CRYBB1: variants seen among roughly 807,000 people sequenced by gnomAD.
The protein encoded by CRYBB1 is beta-crystallin B1.
Under a neutral mutation model 29.5 loss-of-function variants are expected in CRYBB1, and 16 were observed. The ratio of observed to expected loss-of-function variants is 0.54; its 90% confidence interval spans 0.37 to 0.82. The LOEUF is 0.82. CRYBB1 is among the 40% of genes least tolerant of loss of function. CRYBB1 has a pLI of 0.00. For synonymous variants in CRYBB1, 127 were observed against 136.7 expected, an observed-to-expected ratio of 0.93 and a Z score of 0.49; for missense variants, 300 against 350.5, an observed-to-expected ratio of 0.86 and a Z score of 1.15.
chr22:26,612,020 G>A, intron 3 of CRYBB1, 52 bp downstream of exon 3: 1 of 1,323,900 alleles, frequency 7.6e-7, no homozygotes, highest in Non-Finnish European at 1.1e-6. Flanking sequence ...CTACTGTTGT[G>A]TGGTCATTTT....
intron 5 of CRYBB1, among the ~76,000 whole-genome samples, 184 bp downstream of exon 5, chr22:26,601,695 G>T (rs183023102): frequency 2.7e-5 from 4 of 150,670 alleles, no homozygotes; most frequent in Admixed American, 2.0e-4. Flanking sequence ...ATTCCTCAAA[G>T]TGTGACTCTA....
rs753245538 is a variant in CRYBB1, at chr22:26,607,998, T to G, written c.323A>C (p.Asn108Thr). 3.1e-5 allele frequency: 50 copies of G among 1,613,972 alleles called. No individual in the cohort carries two copies. Among genetic ancestry groups the G allele is most frequent in the Non-Finnish European group, 3.8e-5 (45 of 1,180,026 alleles). Reference sequence around the variant, plus strand: ...CAGGATGAACATCTCCCCGCGGAAGTTGGACTGCTCAAAGGCGACCCAGCT... The same window carrying G: ...CAGGATGAACATCTCCCCGCGGAAGGTGGACTGCTCAAAGGCGACCCAGCT... ...AGPWVAFEQS[N>T]FRGEMFILEK... Residue 108 changes from asparagine to threonine, a missense_variant, in exon 4 of 6, where the codon AAC (asparagine) becomes ACC (threonine). By Grantham distance (65) the Asn-to-Thr change is moderately conservative. Coordinates refer to ENST00000647684, the MANE Select transcript of CRYBB1 (RefSeq NM_001887.4).
intron 4 of CRYBB1, among the ~76,000 whole-genome samples, chr22:26,606,799 C>T (rs932452333): frequency 1.3e-5 from 2 of 152,276 alleles, no homozygotes; most frequent in African/African-American, 2.4e-5. Context: ...AGACAAAAGT[C>T]GGTTACCATC....
At chr22:26,615,609 G>T (rs1357860912) in intron 2 of CRYBB1, among the ~76,000 whole-genome samples, 3 of 152,066 alleles carry the variant, frequency 2.0e-5, no homozygotes, top group Non-Finnish European at 4.4e-5. Flanking sequence ...CGCCTCCTGG[G>T]TTCAAGTGAT....
intron 3 of CRYBB1, among the ~76,000 whole-genome samples, chr22:26,609,603 G>A (rs1474769937): frequency 2.6e-5 from 4 of 152,266 alleles, no homozygotes; most frequent in East Asian, 1.9e-4. Context: ...TGGTGGGTAC[G>A]TGTGTATAAA....
At chr22:26,610,950 G>A (rs1285555823) in intron 3 of CRYBB1, among the ~76,000 whole-genome samples, 2 of 152,160 alleles carry the variant, frequency 1.3e-5, no homozygotes, top group African/African-American at 4.8e-5. Flanking sequence ...TTCAAAGTGG[G>A]GGAGACAAGA....
Position 26,611,468 on chromosome 22 carries a change from TG to T in CRYBB1, c.299+603del, listed in dbSNP as rs1288801118. On this transcript the variant is annotated intron_variant, in intron 3 of 5. Coordinates refer to ENST00000647684, the MANE Select transcript of CRYBB1 (RefSeq NM_001887.4). The stretch of plus-strand genomic sequence containing the variant: ...GGCTAGAGTTTGTTTTTTTTTTTTT[TG>T]TTTTTTTTTTTTTTTTGAGACGGAG... Among the ~76,000 whole-genome samples, 332 of 135,946 alleles carry T rather than the reference TG, an allele frequency of 2.4e-3. 1 individual carries two copies. Among genetic ancestry groups the T allele is most frequent in the African/African-American group, 6.0e-3 (237 of 39,218 alleles). The allele number at this position is 135,946 out of a possible 152,430, so 89.2% of individuals were successfully genotyped here. A position where few individuals can be genotyped will look rare whatever the true frequency, so the allele number is the denominator to read the frequency against.
rs1569203198 is a variant in CRYBB1 at position 26,599,590 on chromosome 22, C to T, written c.659G>A (p.Gly220Glu). ...PGDFRHWNEWGAFQPQMQSLR... is the reference protein window; with the variant it reads ...PGDFRHWNEWEAFQPQMQSLR... Reference sequence around the variant, plus strand: ...GGACTGCATCTGTGGCTGGAAGGCTCCCCACTCATTCCAGTGCCGGAAGTC... The same window carrying T: ...GGACTGCATCTGTGGCTGGAAGGCTTCCCACTCATTCCAGTGCCGGAAGTC... The change falls in exon 6 of 6, where the codon GGA becomes GAA. Residue 220 changes from glycine (G) to glutamate (E), a missense_variant. Coordinates refer to ENST00000647684, the MANE Select transcript of CRYBB1 (RefSeq NM_001887.4). The T allele has an allele frequency of 7.4e-6, 12 of 1,614,146 alleles. No homozygotes were observed. The highest frequency in any genetic ancestry group is 8.5e-6 in the Non-Finnish European group (10 of 1,179,994).
At chr22:26,604,160 A>G (rs1602322442) in intron 4 of CRYBB1, among the ~76,000 whole-genome samples, 1 of 151,824 alleles carries the variant, frequency 6.6e-6, no homozygotes, top group African/African-American at 2.4e-5. Flanking sequence ...GCCGGACCTC[A>G]GTGTCTAGGT....
chr22:26,604,027 T>G (rs1038017395), intron 4 of CRYBB1, among the ~76,000 whole-genome samples: 3 of 152,244 alleles, frequency 2.0e-5, no homozygotes, highest in African/African-American at 7.2e-5. Flanking sequence ...TGTATCTTGT[T>G]TTTAAAGTTC....
chr22:26,601,897 A>C lies in CRYBB1; in HGVS notation c.557T>G (p.Val186Gly). 6.2e-7 allele frequency: 1 copy of C among 1,612,170 alleles called. No individual in the cohort carries two copies. Among genetic ancestry groups the C allele is most frequent in the Non-Finnish European group, 8.5e-7 (1 of 1,179,848 alleles). Residue 186 changes from valine (V) to glycine (G), a missense_variant, in exon 5 of 6, where the codon GTG (valine) becomes GGG (glycine). Coordinates refer to ENST00000647684, the MANE Select transcript of CRYBB1 (RefSeq NM_001887.4). ...VYGFSDRVGS[V>G]KVSSGTWVGY... The stretch of plus-strand genomic sequence containing the variant: ...TGCTTACGTTCCACTGGAGACCTTC[A>C]CGCTGCCCACGCGGTCACTGAAGCC...
At chr22:26,615,781 T>C (rs1437641591) in intron 2 of CRYBB1, among the ~76,000 whole-genome samples, 1 of 152,182 alleles carries the variant, frequency 6.6e-6, no homozygotes, top group Non-Finnish European at 1.5e-5. Flanking sequence ...CCCAAAGTGC[T>C]GGGATTACAG....
rs199670353 is a variant in CRYBB1 at position 26,602,038 on chromosome 22, C to T, written c.433-17G>A. 5.1e-5 allele frequency: 83 copies of T among 1,612,828 alleles called. No homozygotes were observed. The highest frequency in any genetic ancestry group is 5.1e-4 in the African/African-American group (38 of 74,926). On this transcript the variant is annotated splice_polypyrimidine_tract_variant and intron_variant, in intron 4 of 5. Coordinates refer to ENST00000647684, the MANE Select transcript of CRYBB1 (RefSeq NM_001887.4). ...CTGGGCATCCTGGGGAAAGAGAGGC[C>T]GGGTCAGGTGTGTGAAGTACAAATG...
chr22:26,605,929 C>A (rs1037043530), intron 4 of CRYBB1, among the ~76,000 whole-genome samples: 1 of 152,046 alleles, frequency 6.6e-6, no homozygotes, highest in Non-Finnish European at 1.5e-5. Context: ...ATTTAACCTG[C>A]GGCCTGCAGG....
chr22:26,616,228 G>A lies in CRYBB1; in HGVS notation c.92C>T (p.Thr31Ile). The A allele has an allele frequency of 6.2e-7, 1 of 1,614,114 alleles. No individual in the cohort carries two copies. The highest frequency in any genetic ancestry group is 1.3e-5 in the African/African-American group (1 of 75,070). Residue 31 changes from threonine (T) to isoleucine (I), a missense_variant, in exon 2 of 6, where the codon ACA becomes ATA. Transcript: ENST00000647684. Reference protein sequence around the residue: ...TKGKGAPPAGTSPSPGTTLAP... With the variant: ...TKGKGAPPAGISPSPGTTLAP... ...CAGGGTAGTGCCGGGACTAGGGGAT[G>A]TTCCTGCAGGTGGGGCCCCCTTCCC...
chr22:26,607,384 G>A (rs1602324810), intron 4 of CRYBB1, among the ~76,000 whole-genome samples: 2 of 151,996 alleles, frequency 1.3e-5, no homozygotes, highest in South Asian at 4.2e-4. Flanking sequence ...TTTCGAATGG[G>A]CACTGAAATT....
At chr22:26,617,261 T>C (rs1239708839) in intron 1 of CRYBB1, among the ~76,000 whole-genome samples, 3 of 152,332 alleles carry the variant, frequency 2.0e-5, no homozygotes, top group East Asian at 3.9e-4. Context: ...GAATGTTTGA[T>C]GAATACCTCA....
intron 3 of CRYBB1, among the ~76,000 whole-genome samples, 162 bp from the exon 4 acceptor site, chr22:26,608,183 C>T (rs1191946898): frequency 6.6e-6 from 1 of 152,218 alleles, no homozygotes; most frequent in Non-Finnish European, 1.5e-5. Context: ...GGCTCTGACA[C>T]TTACAGGCTG....
At chr22:26,601,847 G>C in intron 5 of CRYBB1, 32 bp downstream of exon 5, 4 of 1,611,446 alleles carry the variant, frequency 2.5e-6, no homozygotes, top group Non-Finnish European at 3.4e-6. Context: ...GCTTGAAGCA[G>C]GGGACGCGGA....
Sources: gnomAD v4.1 joint callset for allele counts (sites outside exome capture counted in the v4.1 genomes callset) on GRCh38, gnomAD v4.1.1 for gene constraint, MANE v1.5 for transcripts, NCBI Gene and HGNC (gene_info 2026-07-23, HGNC 2026-07-21) for gene names.